Variants in ABTB3 observed in about 807,000 individuals in gnomAD.
The protein encoded by ABTB3 is ankyrin repeat- and BTB/POZ domain-containing protein 3.
chr12:107,604,846 C>T, the ABTB3 span, among the ~76,000 whole-genome samples: 1 of 151,924 alleles, frequency 6.6e-6, no homozygotes, highest in Non-Finnish European at 1.5e-5. Context: ...TCACAATTGC[C>T]AAAATATGGA....
At chr12:107,657,473 C>G in the ABTB3 span, 2 of 1,578,174 alleles carry the variant, frequency 1.3e-6, no homozygotes, top group Admixed American at 3.3e-5. Flanking sequence ...TTTTCGGAAG[C>G]GTAACCATCT....
the ABTB3 span, among the ~76,000 whole-genome samples, chr12:107,620,957 C>T: frequency 0.014 from 2,094 of 152,276 alleles, 45 homozygotes; most frequent in African/African-American, 0.047. Flanking sequence ...GGGTCTACTA[C>T]GGAGCCTGGG....
chr12:107,367,369 T>A, the ABTB3 span, among the ~76,000 whole-genome samples: 2 of 152,198 alleles, frequency 1.3e-5, no homozygotes, highest in African/African-American at 4.8e-5. Context: ...GATTTACACT[T>A]TTTCCTCTTT....
At chr12:107,542,926 G>T in the ABTB3 span, among the ~76,000 whole-genome samples, 1 of 152,236 alleles carries the variant, frequency 6.6e-6, no homozygotes, top group Non-Finnish European at 1.5e-5. Flanking sequence ...GGAGGAGTTG[G>T]TCTTGTTGTA....
At chr12:107,572,187 A>G in the ABTB3 span, among the ~76,000 whole-genome samples, 1 of 152,130 alleles carries the variant, frequency 6.6e-6, no homozygotes, top group African/African-American at 2.4e-5. Flanking sequence ...AAGAAGGAGA[A>G]AGTAATGCAA....
the ABTB3 span, among the ~76,000 whole-genome samples, chr12:107,477,792 T>C: frequency 6.6e-6 from 1 of 152,148 alleles, no homozygotes; most frequent in Non-Finnish European, 1.5e-5. Flanking sequence ...AGAAACAAGA[T>C]GCATCTTCAA....
chr12:107,502,102 T>C, the ABTB3 span, among the ~76,000 whole-genome samples: 1 of 151,586 alleles, frequency 6.6e-6, no homozygotes, highest in African/African-American at 2.4e-5. Flanking sequence ...TCTTGCTCTG[T>C]CACCCAGGCT....
At chr12:107,591,176 A>C in the ABTB3 span, among the ~76,000 whole-genome samples, 1 of 152,236 alleles carries the variant, frequency 6.6e-6, no homozygotes, top group Non-Finnish European at 1.5e-5. Context: ...CACCAGATTG[A>C]ATGATCTCCA....
the ABTB3 span, among the ~76,000 whole-genome samples, chr12:107,641,444 T>TA: frequency 6.6e-6 from 1 of 152,114 alleles, no homozygotes; most frequent in African/African-American, 2.4e-5. Flanking sequence ...AAAATAAGTT[T>TA]AAAAAAACAG....
chr12:107,504,422 C>CA, the ABTB3 span, among the ~76,000 whole-genome samples: 1 of 152,152 alleles, frequency 6.6e-6, no homozygotes, highest in Non-Finnish European at 1.5e-5. Context: ...TGCGTGTGGT[C>CA]AGCCACAGGA....
chr12:107,373,909 A>G, the ABTB3 span, among the ~76,000 whole-genome samples: 1 of 152,234 alleles, frequency 6.6e-6, no homozygotes, highest in African/African-American at 2.4e-5. Context: ...AAAATCAGAC[A>G]GGATCAGTGC....
chr12:107,419,675 A>T, the ABTB3 span, among the ~76,000 whole-genome samples: 1 of 152,228 alleles, frequency 6.6e-6, no homozygotes, highest in Non-Finnish European at 1.5e-5. Context: ...ACCACATAGG[A>T]TGGTTATTAG....
At chr12:107,363,586 G>C in the ABTB3 span, among the ~76,000 whole-genome samples, 3 of 152,106 alleles carry the variant, frequency 2.0e-5, no homozygotes, top group African/African-American at 7.2e-5. Context: ...TTCTTTAAGC[G>C]GTTTTCCATT....
the ABTB3 span, among the ~76,000 whole-genome samples, chr12:107,600,989 G>T: frequency 6.6e-6 from 1 of 152,194 alleles, no homozygotes; most frequent in African/African-American, 2.4e-5. Flanking sequence ...TGTCCAGATG[G>T]CCTGATTAAA....
the ABTB3 span, among the ~76,000 whole-genome samples, chr12:107,466,452 G>C: frequency 6.6e-6 from 1 of 151,778 alleles, no homozygotes; most frequent in Admixed American, 6.6e-5. Context: ...TATCCCCACT[G>C]TGCCACCCTC....
the ABTB3 span, among the ~76,000 whole-genome samples, chr12:107,373,122 G>T: frequency 6.6e-6 from 1 of 152,216 alleles, no homozygotes; most frequent in East Asian, 1.9e-4. Flanking sequence ...ACCTCTGGTT[G>T]AGAACTACTG....
At chr12:107,572,125 G>T in the ABTB3 span, among the ~76,000 whole-genome samples, 2 of 152,084 alleles carry the variant, frequency 1.3e-5, no homozygotes, top group Admixed American at 1.3e-4. Flanking sequence ...ATCTGAGTGG[G>T]CCCTACATCT....
the ABTB3 span, among the ~76,000 whole-genome samples, chr12:107,452,465 C>T: frequency 6.6e-6 from 1 of 152,132 alleles, no homozygotes; most frequent in Non-Finnish European, 1.5e-5. Flanking sequence ...CTCGGCCTCC[C>T]AAAGTGCTGG....
the ABTB3 span, among the ~76,000 whole-genome samples, chr12:107,336,118 T>A: frequency 6.6e-6 from 1 of 152,280 alleles, no homozygotes; most frequent in South Asian, 2.1e-4. Flanking sequence ...ATCAAAGCCA[T>A]CTCTGAACCA....
Sources: allele counts gnomAD v4.1 joint callset (sites outside exome capture counted in the v4.1 genomes callset), GRCh38; gene constraint gnomAD v4.1.1; transcripts MANE v1.5; gene names NCBI Gene and HGNC (gene_info 2026-07-23, HGNC 2026-07-21).